Variants in MUC22 observed in about 807,000 individuals in gnomAD.
MUC22 encodes mucin-22.
A neutral mutation model predicts 40.3 loss-of-function variants in MUC22; 24 were observed. The observed-to-expected ratio is 0.60, with a 90% confidence interval of 0.43 to 0.84. The LOEUF (loss-of-function observed/expected upper bound fraction) is 0.84. Among genes scored for constraint, MUC22 ranks in the 40% least tolerant of loss-of-function variants. The pLI is 0.00. For missense variants in MUC22, 1,926 were observed against 2,130.7 expected (o/e 0.90, Z 1.89); for synonymous variants, 765 against 844.5 (o/e 0.91, Z 1.63).
At chr6:31,028,522 G>A in exon 2 of MUC22, 1 of 1,532,816 alleles carries the variant, frequency 6.5e-7, no homozygotes, top group Non-Finnish European at 8.7e-7. Context: ...ATCCATCATG[G>A]GCTCTGAGAC....
rs1766161448 is a variant in MUC22, at chr6:31,032,730, A to G, written c.5055+149A>G. ...AATCACCTAGCCTGATATAAGGACC[A>G]GAGAGAATGCTTAAGTCAGAGAAAG... On this transcript the variant is annotated intron_variant, in intron 3 of 3. Transcript: ENST00000561890. This position sits in a 1 kb window ranked among gnomAD's most constrained non-coding sequence, Gnocchi z 4.1. 3.3e-6 allele frequency: 3 copies of G among 899,940 alleles called. No homozygotes were observed. The South Asian group carries it at 5.4e-5, about 16-fold the overall frequency. 55.7% of individuals were successfully genotyped at this position (899,940 alleles called of 1,614,324 possible).
At chr6:31,034,933 C>T in exon 4 of MUC22, 2 of 1,535,160 alleles carry the variant, frequency 1.3e-6, no homozygotes, top group Non-Finnish European at 1.7e-6. Context: ...TGGAGGAGGC[C>T]ACTGAGGACA....
At chr6:31,029,933 C>T in exon 2 of MUC22, 1 of 1,517,162 alleles carries the variant, frequency 6.6e-7, no homozygotes, top group Non-Finnish European at 8.8e-7. Context: ...GCTTCCACTG[C>T]AAGCTTGGAG....
chr6:31,026,111 C>G (rs1207077552), exon 2 of MUC22: 1 of 1,531,640 alleles, frequency 6.5e-7, no homozygotes. Flanking sequence ...GAGACCACCA[C>G]TACCTCCACC....
chr6:31,027,727 AC>A lies in MUC22; in HGVS notation c.2297del (p.Thr766MetfsTer10), dbSNP rs771120373. 3 of 1,530,530 alleles carry A rather than the reference AC, an allele frequency of 2.0e-6. No homozygotes were observed. In the South Asian group the frequency reaches 3.6e-5, roughly 18 times the overall value. 94.8% of individuals were successfully genotyped at this position (1,530,530 alleles called of 1,614,324 possible). On this transcript the variant is annotated frameshift_variant, in exon 2 of 4. Transcript: ENST00000561890. LOFTEE classifies it high-confidence loss of function. ...AGCCTCTACTGAAGGCTCTGAGACC[AC>A]TGCAGTCTCTGCCACAGGCTCTGAG...
At chr6:31,033,452 G>A (rs1398154310) in intron 3 of MUC22, among the ~76,000 whole-genome samples, 2 of 152,236 alleles carry the variant, frequency 1.3e-5, no homozygotes, top group African/African-American at 4.8e-5. Context: ...TGTGTGGCCT[G>A]TGACTGTTAC....
At chr6:31,022,438 T>C (rs1764911905) in intron 1 of MUC22, among the ~76,000 whole-genome samples, 1 of 151,800 alleles carries the variant, frequency 6.6e-6, no homozygotes, top group African/African-American at 2.4e-5. Flanking sequence ...ATTACAGGCG[T>C]GAATCGACAG....
Position 31,032,184 on chromosome 6 carries a change from C to A in MUC22, c.4670-12C>A. On this transcript the variant is annotated splice_polypyrimidine_tract_variant and intron_variant, in intron 2 of 3. Transcript: ENST00000561890. The surrounding 1 kb of genome is among the most constrained non-coding windows in gnomAD (Gnocchi z 4.1). ...GCTACAAATGCATCATCTTGTGTGACCTGTTTCATAGGCACCAGAACCACT... is the reference window on the plus strand; with the variant it reads ...GCTACAAATGCATCATCTTGTGTGAACTGTTTCATAGGCACCAGAACCACT... 6.6e-7 allele frequency: 1 copy of A among 1,526,640 alleles called. No homozygotes were observed. Among genetic ancestry groups the A allele is most frequent in the Non-Finnish European group, 8.8e-7 (1 of 1,142,428 alleles). The allele number at this position is 1,526,640 out of a possible 1,614,324, so 94.6% of individuals were successfully genotyped here.
exon 2 of MUC22, chr6:31,028,197 C>T (rs1765620959): frequency 6.5e-7 from 1 of 1,534,296 alleles, no homozygotes; most frequent in African/African-American, 1.4e-5. Flanking sequence ...CTACTGAAGG[C>T]TCTGAGACCA....
chr6:31,028,710 GACC>G (rs57686320), exon 2 of MUC22: 62,043 of 1,528,468 alleles, frequency 0.041, 3,336 homozygotes, highest in East Asian at 0.23. Context: ...CAGGCTCTGA[GACC>G]ACCACCACCA....
At chr6:31,015,693 A>C (rs951938685) in intron 1 of MUC22, among the ~76,000 whole-genome samples, 2 of 152,204 alleles carry the variant, frequency 1.3e-5, no homozygotes, top group East Asian at 3.8e-4. Flanking sequence ...TGATATTTAG[A>C]TTACTGACCT....
intron 1 of MUC22, among the ~76,000 whole-genome samples, chr6:31,016,575 A>G (rs1764217259): frequency 6.6e-6 from 1 of 152,242 alleles, no homozygotes; most frequent in African/African-American, 2.4e-5. Flanking sequence ...TTTACATTTC[A>G]GGGTGTAAGC....
At chr6:31,010,398 C>A (rs749245277), upstream of MUC22, 2 of 339,628 alleles carry the variant, frequency 5.9e-6, no homozygotes, top group Non-Finnish European at 5.4e-6. Flanking sequence ...ATGCCCCTCC[C>A]TGGGGAGGGA....
At chr6:31,020,659 G>C (rs183772452) in intron 1 of MUC22, among the ~76,000 whole-genome samples, 1 of 152,146 alleles carries the variant, frequency 6.6e-6, no homozygotes, top group Non-Finnish European at 1.5e-5. Context: ...TGCACTGTGG[G>C]AGTCCCTTTC....
exon 2 of MUC22, chr6:31,026,758 G>T: frequency 6.6e-7 from 1 of 1,508,326 alleles, no homozygotes; most frequent in South Asian, 1.2e-5. Context: ...CTCTACTGCA[G>T]GCTCAGAGAC....
chr6:31,007,063 C>T (rs1581589522), upstream of MUC22, among the ~76,000 whole-genome samples: 2 of 147,164 alleles, frequency 1.4e-5, no homozygotes. The surrounding 1 kb of genome is among the most constrained non-coding windows in gnomAD (Gnocchi z 4.0). Context: ...CTACTGGAAA[C>T]ATTTTAAAGA....
chr6:31,020,522 G>A (rs1352279093), intron 1 of MUC22, among the ~76,000 whole-genome samples: 2 of 141,154 alleles, frequency 1.4e-5, no homozygotes, highest in African/African-American at 2.7e-5. Context: ...TTGGCTCACT[G>A]CAACCTCTGC....
chr6:31,025,404 G>A, intron 1 of MUC22, 98 bp from the exon 2 acceptor site: 2 of 1,309,166 alleles, frequency 1.5e-6, no homozygotes, highest in Non-Finnish European at 2.0e-6. Flanking sequence ...ATAAATAAAT[G>A]AATAAGAAGT....
chr6:31,015,755 T>C (rs1277963455), intron 1 of MUC22, among the ~76,000 whole-genome samples: 3 of 152,232 alleles, frequency 2.0e-5, no homozygotes, highest in Non-Finnish European at 2.9e-5. Flanking sequence ...TTTTTAAAAC[T>C]ACTGTTCTAA....
Sources: allele counts gnomAD v4.1 joint callset (sites outside exome capture counted in the v4.1 genomes callset), GRCh38; gene constraint gnomAD v4.1.1; non-coding constraint Gnocchi (gnomAD v3.1); transcripts MANE v1.5; gene names NCBI Gene and HGNC (gene_info 2026-07-23, HGNC 2026-07-21).